MMP28: variants seen among roughly 807,000 people sequenced by gnomAD.
The protein encoded by MMP28 is matrix metallopeptidase 28, also known as matrix metalloproteinase-28.
A neutral mutation model predicts 60.5 loss-of-function variants in MMP28; 55 were observed. That is an observed-to-expected ratio of 0.91 (90% CI 0.73 to 1.14). The LOEUF (loss-of-function observed/expected upper bound fraction) is 1.14, where lower values mean the gene tolerates loss of function less well. MMP28 is among the 50% of genes most tolerant of loss of function. MMP28 has a pLI of 0.00. For missense variants in MMP28, 686 were observed against 738.3 expected, an observed-to-expected ratio of 0.93 and a Z score of 0.82; for synonymous variants, 318 against 312.5, an observed-to-expected ratio of 1.02 and a Z score of -0.18.
At chr17:35,779,216 C>A in intron 2 of MMP28, 28 bp downstream of exon 2, 1 of 1,595,530 alleles carries the variant, frequency 6.3e-7, no homozygotes, top group East Asian at 2.3e-5. Flanking sequence ...CACCCCTACC[C>A]CAAGTCCTCC....
intron 2 of MMP28, among the ~76,000 whole-genome samples, chr17:35,760,168 TCAG>T (rs2085791671): frequency 6.6e-6 from 1 of 152,150 alleles, no homozygotes; most frequent in Admixed American, 6.5e-5. Context: ...CTCTTTGAGG[TCAG>T]CAACTTCATC....
At chr17:35,770,803 A>C (rs573175284) in intron 4 of MMP28, among the ~76,000 whole-genome samples, 1 of 151,972 alleles carries the variant, frequency 6.6e-6, no homozygotes, top group South Asian at 2.1e-4. Context: ...TAATCTCAGC[A>C]CTTTGGGAGG....
At chr17:35,783,240 G>T (rs747194586) in intron 1 of MMP28, among the ~76,000 whole-genome samples, 2 of 152,338 alleles carry the variant, frequency 1.3e-5, no homozygotes, top group Middle Eastern at 3.4e-3. Flanking sequence ...CTAAATAAAA[G>T]AATGCACATT....
chr17:35,756,256 A>T, exon 3 of MMP28: 1 of 322,360 alleles, frequency 3.1e-6, no homozygotes, highest in Non-Finnish European at 4.5e-6. Flanking sequence ...GGCTCACACA[A>T]AAGAAATGTT....
At chr17:35,757,898 C>T (rs587765136) in intron 2 of MMP28, among the ~76,000 whole-genome samples, 28 of 152,270 alleles carry the variant, frequency 1.8e-4, no homozygotes, top group Non-Finnish European at 4.0e-4. Context: ...GCAATTTTCC[C>T]ATCTCAGCCT....
intron 2 of MMP28, chr17:35,757,512 GC>G (rs1157722528): frequency 6.6e-6 from 1 of 152,232 alleles, no homozygotes; most frequent in Non-Finnish European, 1.5e-5. Context: ...GTGAGAATAA[GC>G]AGGGCCCTTA....
At chr17:35,780,591 T>C (rs191786740) in intron 1 of MMP28, among the ~76,000 whole-genome samples, 47 of 152,176 alleles carry the variant, frequency 3.1e-4, no homozygotes, top group African/African-American at 1.1e-3. Flanking sequence ...TCCCAGCACC[T>C]TGAGAGGCCG....
At chr17:35,767,955 T>C (rs1049082152) in intron 6 of MMP28, 36 bp from the exon 7 acceptor site, 2 of 1,532,628 alleles carry the variant, frequency 1.3e-6, no homozygotes, top group East Asian at 4.5e-5. Context: ...GGAGTGACCA[T>C]CAGCTTCCTG....
chr17:35,770,217 G>A lies in MMP28; in HGVS notation c.700C>T (p.Leu234=), dbSNP rs1314388480. Residue 234 remains leucine, a synonymous_variant, in exon 5 of 8, where the codon CTG becomes TTG. Transcript: ENST00000605424. The part of the protein sequence containing the change: ...WSLSRRRGRN[L]FVVLAHEIGH... ...ATCTCGTGCGCCAGCACCACGAACA[G>A]GTTGCGCCCGCGGCGGCGGCTCAGG... The A allele has an allele frequency of 2.5e-6, 4 of 1,599,652 alleles. No homozygotes were observed. The Admixed American group carries it at 5.1e-5, about 20-fold the overall frequency.
At chr17:35,784,924 G>T (rs945804340) in intron 1 of MMP28, among the ~76,000 whole-genome samples, 1 of 152,102 alleles carries the variant, frequency 6.6e-6, no homozygotes, top group African/African-American at 2.4e-5. Flanking sequence ...GGAGCCCAAG[G>T]CTTGAGCTGA....
chr17:35,794,317 C>T (rs112908723), intron 1 of MMP28, among the ~76,000 whole-genome samples: 7,631 of 148,422 alleles, frequency 0.051, 278 homozygotes, highest in Non-Finnish European at 0.075. Flanking sequence ...AGGATCTCGG[C>T]TCACTGCAAC....
chr17:35,791,113 C>T (rs1011819044), intron 1 of MMP28, among the ~76,000 whole-genome samples: 5 of 151,696 alleles, frequency 3.3e-5, no homozygotes, highest in African/African-American at 1.2e-4. Flanking sequence ...GCTACTTTTA[C>T]ATGTGTTTTA....
chr17:35,794,376 G>A (rs999383284), intron 1 of MMP28, among the ~76,000 whole-genome samples: 1 of 151,148 alleles, frequency 6.6e-6, no homozygotes, highest in Non-Finnish European at 1.5e-5. Context: ...CTCCCGAGTA[G>A]CTGGGATTAC....
At chr17:35,764,423 C>T, downstream of MMP28, 1 of 1,530,992 alleles carries the variant, frequency 6.5e-7, no homozygotes, top group Non-Finnish European at 8.8e-7. Context: ...TCCCCGCCGG[C>T]AGGAAGCGGA....
intron 6 of MMP28, 95 bp from the exon 7 acceptor site, chr17:35,768,014 A>C: frequency 7.0e-7 from 1 of 1,422,258 alleles, no homozygotes; most frequent in South Asian, 1.4e-5. Context: ...TCCCAAATGG[A>C]CAAGCATAGG....
At chr17:35,764,041 A>G (rs1555602070), downstream of MMP28, 3 of 1,548,334 alleles carry the variant, frequency 1.9e-6, no homozygotes, top group South Asian at 3.6e-5. Context: ...AGGAAACGGA[A>G]GAGCTCCGGG....
chr17:35,790,922 G>T (rs1339237015), intron 1 of MMP28, among the ~76,000 whole-genome samples: 2 of 150,544 alleles, frequency 1.3e-5, no homozygotes, highest in African/African-American at 4.9e-5. Flanking sequence ...TAGAGACAGG[G>T]TCTCTCTATG....
chr17:35,764,368 C>T, downstream of MMP28: 4 of 1,453,160 alleles, frequency 2.8e-6, no homozygotes, highest in Non-Finnish European at 3.6e-6. Context: ...GAGGCGGTGC[C>T]CGGGCCCCAG....
chr17:35,780,873 T>C (rs2086478807), intron 1 of MMP28, among the ~76,000 whole-genome samples: 1 of 151,620 alleles, frequency 6.6e-6, no homozygotes, highest in Non-Finnish European at 1.5e-5. Context: ...AGGACATAAA[T>C]TGGTACTATG....
Sources: allele counts gnomAD v4.1 joint callset (sites outside exome capture counted in the v4.1 genomes callset), GRCh38; gene constraint gnomAD v4.1.1; transcripts MANE v1.5; gene names NCBI Gene and HGNC (gene_info 2026-07-23, HGNC 2026-07-21).